The following CAMTA1 variants were observed in gnomAD, a reference collection of about 807,000 sequenced individuals.
The protein encoded by CAMTA1 is calmodulin-binding transcription activator 1.
Under a neutral mutation model 170.9 loss-of-function variants are expected in CAMTA1, and 27 were observed. The ratio of observed to expected loss-of-function variants is 0.16; its 90% CI spans 0.12 to 0.22. CAMTA1 has a LOEUF of 0.22. Ranked by LOEUF, CAMTA1 falls within the 10% of genes least tolerant of loss-of-function variation. The pLI is 1.00. For synonymous variants in CAMTA1, 833 were observed against 891.5 expected (o/e 0.93, Z 1.17); for missense variants, 1,619 against 2,217.2 (o/e 0.73, Z 5.42).
Position 7,766,634 on chromosome 1 carries a change from A to G in CAMTA1, c.*143A>G. On this transcript the variant is annotated 3_prime_UTR_variant, in exon 23 of 23. Coordinates refer to ENST00000303635, the MANE Select transcript of CAMTA1 (RefSeq NM_015215.4). ...ACACACACATACAAAATCCCTCTGCAGTTTTGGGGAGATCAGCTGCAGGAT... is the reference window on the plus strand; with the variant it reads ...ACACACACATACAAAATCCCTCTGCGGTTTTGGGGAGATCAGCTGCAGGAT... 1.5e-6 allele frequency: 1 copy of G among 659,616 alleles called. No individual in the cohort carries two copies. The highest frequency in any genetic ancestry group is 2.6e-6 in the Non-Finnish European group (1 of 382,704). 40.9% of individuals were successfully genotyped at this position (659,616 alleles called of 1,614,324 possible). A position where few individuals can be genotyped will look rare whatever the true frequency, so the allele number is the denominator to read the frequency against.
At chr1:6,904,600 G>C (rs190708817) in intron 3 of CAMTA1, among the ~76,000 whole-genome samples, 3 of 148,102 alleles carry the variant, frequency 2.0e-5, no homozygotes, top group African/African-American at 7.5e-5. Context: ...TATCGCCCCA[G>C]GCTGGAATGC....
chr1:7,540,604 G>A (rs923655634), intron 6 of CAMTA1, among the ~76,000 whole-genome samples: 2 of 152,166 alleles, frequency 1.3e-5, no homozygotes, highest in South Asian at 2.1e-4. Context: ...CTCTTTGCAC[G>A]ACAGCTGGAT....
chr1:7,602,637 T>C (rs535184627), intron 6 of CAMTA1, among the ~76,000 whole-genome samples: 1 of 152,338 alleles, frequency 6.6e-6, no homozygotes, highest in Non-Finnish European at 1.5e-5. Context: ...TTGAAGGGTT[T>C]TTTGTGTCTC....
chr1:7,671,173 C>T (rs747689969), intron 10 of CAMTA1, 136 bp downstream of exon 10: 77 of 949,210 alleles, frequency 8.1e-5, no homozygotes, highest in Non-Finnish European at 1.1e-4. Context: ...TGTGAAGAAG[C>T]GGATCCCCGA....
chr1:6,933,229 A>G (rs1684723416), intron 3 of CAMTA1, among the ~76,000 whole-genome samples: 4 of 151,980 alleles, frequency 2.6e-5, no homozygotes, highest in Admixed American at 6.6e-5. Context: ...CTGGCCATCT[A>G]AGCAATCTTT....
intron 3 of CAMTA1, among the ~76,000 whole-genome samples, chr1:7,072,509 G>A (rs1638780556): frequency 6.6e-6 from 1 of 152,214 alleles, no homozygotes. Context: ...TGATCAAAAT[G>A]GAGAAAAATC....
At chr1:7,297,008 T>C (rs1372351990) in intron 5 of CAMTA1, among the ~76,000 whole-genome samples, 3 of 152,158 alleles carry the variant, frequency 2.0e-5, no homozygotes, top group East Asian at 1.9e-4. Context: ...TGGTTAGCTG[T>C]GCCAAATGCT....
intron 11 of CAMTA1, among the ~76,000 whole-genome samples, chr1:7,725,917 C>A (rs2149830249): frequency 6.6e-6 from 1 of 152,140 alleles, no homozygotes; most frequent in South Asian, 2.1e-4. Context: ...GGGTCACACA[C>A]ACAGACTCAC....
rs1358192770 is a variant in CAMTA1, at chr1:7,234,787, C to CAAGTTGA, written c.303-14704_303-14703insAAGTTGA. ...TGGGAAATTGGAAAATACAAGTTGA[C>CAAGTTGA]CTTTTTTTTTTTTTTTTTAGATAGA... On this transcript the variant is annotated intron_variant, in intron 4 of 22. Transcript: ENST00000303635. This position sits in a 1 kb window ranked among gnomAD's most constrained non-coding sequence, Gnocchi z 5.0. 4.8e-5 allele frequency among the ~76,000 whole-genome samples: 5 copies of CAAGTTGA among 103,476 alleles called. No individual in the cohort carries two copies. Among genetic ancestry groups the CAAGTTGA allele is most frequent in the African/African-American group, 2.4e-4 (5 of 20,728 alleles). The allele number at this position is 103,476 out of a possible 152,430, so 67.9% of individuals were successfully genotyped here.
intron 5 of CAMTA1, among the ~76,000 whole-genome samples, chr1:7,348,533 G>A (rs1368578486): frequency 6.6e-6 from 1 of 151,576 alleles, no homozygotes; most frequent in Non-Finnish European, 1.5e-5. Context: ...GAACATGGCA[G>A]AAACAGGGTA....
chr1:7,484,314 T>C (rs980689732), intron 6 of CAMTA1, among the ~76,000 whole-genome samples: 1 of 152,174 alleles, frequency 6.6e-6, no homozygotes, highest in African/African-American at 2.4e-5. Flanking sequence ...GAAAGGGTTG[T>C]CCTGATGCAG....
intron 3 of CAMTA1, among the ~76,000 whole-genome samples, chr1:6,851,436 A>G (rs1325973487): frequency 1.3e-5 from 2 of 152,240 alleles, no homozygotes; most frequent in African/African-American, 4.8e-5. Flanking sequence ...CCAACATGTA[A>G]TTGAAATCCT....
At chr1:7,257,792 G>A (rs896022313) in intron 5 of CAMTA1, among the ~76,000 whole-genome samples, 1 of 152,180 alleles carries the variant, frequency 6.6e-6, no homozygotes, top group African/African-American at 2.4e-5. Flanking sequence ...TGGGCATCAT[G>A]TATTTTATCT....
chr1:7,350,640 A>G (rs984509578), intron 5 of CAMTA1, among the ~76,000 whole-genome samples: 1 of 152,152 alleles, frequency 6.6e-6, no homozygotes, highest in African/African-American at 2.4e-5. Flanking sequence ...ACTGAGTCAC[A>G]ATCTGTCTGC....
intron 3 of CAMTA1, among the ~76,000 whole-genome samples, chr1:6,893,393 T>C (rs1174186613): frequency 6.6e-6 from 1 of 152,252 alleles, no homozygotes; most frequent in Non-Finnish European, 1.5e-5. Flanking sequence ...GTGGGCGAGC[T>C]GCTCCCTTGC....
intron 4 of CAMTA1, among the ~76,000 whole-genome samples, chr1:7,226,611 G>A (rs1027661528): frequency 9.2e-5 from 14 of 152,070 alleles, no homozygotes; most frequent in African/African-American, 2.9e-4. Context: ...CAATGCTTCC[G>A]GACTTTTCCT....
At position 7,680,208 on chromosome 1, in the gene CAMTA1, G is replaced by A. The variant is rs1162052003; in HGVS notation, c.2914+2475G>A. ...CGTCCGGGCCAATGCTGCAGTGGCC[G>A]GGCGGTGGTGAGCCTTCCGTTCCCC... On this transcript the variant is annotated intron_variant, in intron 11 of 22. Transcript: ENST00000303635. This position sits in a 1 kb window ranked among gnomAD's most constrained non-coding sequence, Gnocchi z 4.4. 2.1e-5 allele frequency: 6 copies of A among 280,762 alleles called. No individual in the cohort carries two copies. The highest frequency in any genetic ancestry group is 3.9e-5 in the Non-Finnish European group (5 of 129,210). The allele number at this position is 280,762 out of a possible 1,614,324, so 17.4% of individuals were successfully genotyped here. A position where few individuals can be genotyped will look rare whatever the true frequency, so the allele number is the denominator to read the frequency against.
At chr1:6,852,642 G>A (rs1453160130) in intron 3 of CAMTA1, among the ~76,000 whole-genome samples, 1 of 152,210 alleles carries the variant, frequency 6.6e-6, no homozygotes, top group African/African-American at 2.4e-5. Context: ...GGCAGGGTAT[G>A]GGGAGGAACT....
Position 7,224,151 on chromosome 1 carries a change from A to G in CAMTA1, c.303-25340A>G, listed in dbSNP as rs1316684330. Among the ~76,000 whole-genome samples the G allele has an allele frequency of 6.6e-6, 1 of 152,230 alleles. No individual in the cohort carries two copies. The highest frequency in any genetic ancestry group is 1.9e-4 in the East Asian group (1 of 5,194). Reference sequence around the variant, plus strand: ...TACATAAAGCCAGAGTGCTCAAGCCATCCTGGACCTCACCCGATGGGAGGG... The same window carrying G: ...TACATAAAGCCAGAGTGCTCAAGCCGTCCTGGACCTCACCCGATGGGAGGG... On this transcript the variant is annotated intron_variant, in intron 4 of 22. Transcript: ENST00000303635. The surrounding 1 kb of genome is among the most constrained non-coding windows in gnomAD (Gnocchi z 5.2).
Sources: gnomAD v4.1 joint callset for allele counts (sites outside exome capture counted in the v4.1 genomes callset) on GRCh38, gnomAD v4.1.1 for gene constraint, Gnocchi (gnomAD v3.1) non-coding constraint, MANE v1.5 for transcripts, NCBI Gene and HGNC (gene_info 2026-07-23, HGNC 2026-07-21) for gene names.